Variants in SH3RF2 observed in about 807,000 individuals in gnomAD.
SH3RF2 encodes SH3 domain containing ring finger 2.
SH3RF2 carries 43 observed loss-of-function variants against 59.0 expected under a neutral mutation model. That is an observed-to-expected ratio of 0.73 (90% confidence interval 0.57 to 0.94). SH3RF2 has a LOEUF of 0.94. Ranked by LOEUF, SH3RF2 falls within the 40% of genes least tolerant of loss-of-function variation. The pLI is 0.00. For synonymous variants in SH3RF2, 391 were observed against 391.5 expected (o/e 1.00, Z 0.01); for missense variants, 930 against 940.1 (o/e 0.99, Z 0.14).
intron 3 of SH3RF2, among the ~76,000 whole-genome samples, chr5:146,002,535 A>AGGAT (rs1760472146): frequency 7.0e-5 from 10 of 143,254 alleles, no homozygotes; most frequent in Middle Eastern, 3.4e-3. Flanking sequence ...GAAGGAAGGA[A>AGGAT]GGATAACCTA....
At chr5:146,013,453 A>G (rs1205526084) in intron 4 of SH3RF2, among the ~76,000 whole-genome samples, 1 of 152,218 alleles carries the variant, frequency 6.6e-6, no homozygotes, top group Non-Finnish European at 1.5e-5. Context: ...GGGTAAAGGA[A>G]GAATACTCTC....
chr5:146,004,734 TATC>T (rs1190300530), intron 4 of SH3RF2, among the ~76,000 whole-genome samples: 3 of 152,106 alleles, frequency 2.0e-5, no homozygotes, highest in African/African-American at 7.2e-5. Flanking sequence ...TAATATTTAA[TATC>T]ATAAAATGTT....
intron 9 of SH3RF2, among the ~76,000 whole-genome samples, chr5:146,071,107 A>T (rs2962541): frequency 0.27 from 40,502 of 152,150 alleles, 6,867 homozygotes; most frequent in Admixed American, 0.4. Context: ...GAGGATTGTG[A>T]AGGCTATTTG....
At chr5:146,036,551 T>G (rs1044198417) in intron 5 of SH3RF2, among the ~76,000 whole-genome samples, 1 of 151,828 alleles carries the variant, frequency 6.6e-6, no homozygotes, top group Non-Finnish European at 1.5e-5. Flanking sequence ...AAAAACTAGC[T>G]GGGCCTGGTG....
intron 8 of SH3RF2, 74 bp from the exon 9 acceptor site, chr5:146,059,792 A>G: frequency 9.4e-7 from 1 of 1,067,864 alleles, no homozygotes; most frequent in African/African-American, 1.6e-5. Context: ...ATCAGGAAGC[A>G]CTGCTTACCC....
intron 2 of SH3RF2, among the ~76,000 whole-genome samples, chr5:145,976,332 A>T (rs759729971): frequency 6.6e-6 from 1 of 151,948 alleles, no homozygotes; most frequent in African/African-American, 2.4e-5. Context: ...GGTTGTAAGG[A>T]TTGAGTGAGA....
In SH3RF2 at chr5:145,944,670, G is replaced by A. The variant is rs145994172; in HGVS notation, c.378+6364G>A. On this transcript the variant is annotated intron_variant, in intron 2 of 9. Transcript: ENST00000359120. Reference sequence around the variant, plus strand: ...CCCTTTGCTGCAGGACTTTTTGCACGTTTTACCATGCTGATGAATTGTAAA... The same window carrying A: ...CCCTTTGCTGCAGGACTTTTTGCACATTTTACCATGCTGATGAATTGTAAA... Among the ~76,000 whole-genome samples the A allele has an allele frequency of 5.4e-3, 818 of 152,274 alleles. 11 individuals carry two copies. Among genetic ancestry groups the A allele is most frequent in the African/African-American group, 0.019 (791 of 41,552 alleles).
chr5:145,943,453 C>G (rs1057030931), intron 2 of SH3RF2, among the ~76,000 whole-genome samples: 1 of 152,050 alleles, frequency 6.6e-6, no homozygotes, highest in African/African-American at 2.4e-5. Flanking sequence ...AAATAAATGC[C>G]AAGAGACAAA....
rs761899238 is a variant in SH3RF2, at chr5:146,049,101, C to T, written c.1178C>T (p.Ala393Val). Residue 393 changes from alanine to valine, a missense_variant, in exon 7 of 10, where the codon GCC (alanine) becomes GTC (valine). Physicochemically the swap from Ala to Val is moderately conservative, Grantham distance 64. Coordinates refer to ENST00000359120, the MANE Select transcript of SH3RF2 (RefSeq NM_152550.4). ...NMFVALHSYSAHGPDELDLQK... is the reference protein window; with the variant it reads ...NMFVALHSYSVHGPDELDLQK... ...TTTGTAGCCCTGCACTCCTACTCAGCCCATGGACCCGATGAGCTGGACCTG... is the reference window on the plus strand; with the variant it reads ...TTTGTAGCCCTGCACTCCTACTCAGTCCATGGACCCGATGAGCTGGACCTG... The T allele has an allele frequency of 3.7e-6, 6 of 1,614,124 alleles. No homozygotes were observed. The African/African-American group carries it at 4.0e-5, about 11-fold the overall frequency.
intron 5 of SH3RF2, among the ~76,000 whole-genome samples, chr5:146,024,842 T>C (rs1397802062): frequency 6.6e-6 from 1 of 152,248 alleles, no homozygotes; most frequent in Admixed American, 6.5e-5. Context: ...TACACTCATG[T>C]TAAAAATTAA....
chr5:146,034,675 G>A (rs1761867288), intron 5 of SH3RF2, among the ~76,000 whole-genome samples: 1 of 152,206 alleles, frequency 6.6e-6, no homozygotes, highest in African/African-American at 2.4e-5. Context: ...AGGATATCCA[G>A]TGATAATAAT....
intron 2 of SH3RF2, among the ~76,000 whole-genome samples, chr5:145,988,330 G>C (rs1215156262): frequency 6.6e-6 from 1 of 151,070 alleles, no homozygotes; most frequent in Non-Finnish European, 1.5e-5. Flanking sequence ...GTGACCCAAG[G>C]CCTCCAGGTA....
intron 2 of SH3RF2, among the ~76,000 whole-genome samples, chr5:145,975,884 G>T (rs995269328): frequency 6.6e-6 from 1 of 152,238 alleles, no homozygotes; most frequent in Admixed American, 6.5e-5. Context: ...CTCGTGGATT[G>T]TTGTAAGGCT....
At chr5:145,972,855 A>C (rs762691815) in intron 2 of SH3RF2, among the ~76,000 whole-genome samples, 8 of 152,172 alleles carry the variant, frequency 5.3e-5, no homozygotes, top group Non-Finnish European at 1.0e-4. Context: ...CCCTGATCCT[A>C]GTTTGAGCTC....
chr5:146,043,267 G>C (rs369570951), intron 5 of SH3RF2: 2 of 152,064 alleles, frequency 1.3e-5, no homozygotes, highest in Non-Finnish European at 2.9e-5. Flanking sequence ...TATTGATTGA[G>C]CCTCTGATCC....
chr5:146,076,980 C>T (rs750505418), intron 9 of SH3RF2, among the ~76,000 whole-genome samples: 38 of 152,178 alleles, frequency 2.5e-4, no homozygotes, highest in Non-Finnish European at 1.3e-4. Context: ...GCACAAGTCC[C>T]TGGACAGAAA....
chr5:146,067,240 A>G (rs1332021042), downstream of SH3RF2, among the ~76,000 whole-genome samples: 1 of 152,178 alleles, frequency 6.6e-6, no homozygotes, highest in Non-Finnish European at 1.5e-5. Context: ...TGTCTTGAAA[A>G]GTCAGGGGGT....
chr5:146,030,710 C>T (rs963071170), intron 5 of SH3RF2, among the ~76,000 whole-genome samples: 5 of 134,922 alleles, frequency 3.7e-5, no homozygotes, highest in Non-Finnish European at 7.5e-5. Context: ...TTTCATATGG[C>T]CAGAAAGTTA....
chr5:145,953,247 G>T (rs923086364), intron 2 of SH3RF2, among the ~76,000 whole-genome samples: 2 of 152,034 alleles, frequency 1.3e-5, no homozygotes, highest in Non-Finnish European at 2.9e-5. Flanking sequence ...ATTTTATTAG[G>T]GTGGTCAAAA....
Sources: gnomAD v4.1 joint callset for allele counts (sites outside exome capture counted in the v4.1 genomes callset) on GRCh38, gnomAD v4.1.1 for gene constraint, MANE v1.5 for transcripts, NCBI Gene and HGNC (gene_info 2026-07-23, HGNC 2026-07-21) for gene names.